Variants in CNTNAP2 observed in about 807,000 individuals in gnomAD.
CNTNAP2 encodes contactin associated protein 2.
A neutral mutation model predicts 155.2 loss-of-function variants in CNTNAP2; 98 were observed. The ratio of observed to expected loss-of-function variants is 0.63; its 90% confidence interval spans 0.54 to 0.75. CNTNAP2 has a LOEUF of 0.75. Ranked by LOEUF, CNTNAP2 falls within the 30% of genes least tolerant of loss-of-function variation. The pLI, the probability that CNTNAP2 is intolerant of heterozygous loss-of-function variation, is 0.00. For synonymous variants in CNTNAP2, 651 were observed against 631.2 expected (o/e 1.03, Z -0.47); for missense variants, 1,727 against 1,688.1 (o/e 1.02, Z -0.40).
intron 14 of CNTNAP2, among the ~76,000 whole-genome samples, chr7:147,927,438 T>C (rs999810135): frequency 2.0e-5 from 3 of 152,208 alleles, no homozygotes; most frequent in African/African-American, 2.4e-5. Context: ...TTTTAAATAT[T>C]GTAGAATAAG....
intron 17 of CNTNAP2, among the ~76,000 whole-genome samples, chr7:148,167,042 A>C (rs1805680755): frequency 6.6e-6 from 1 of 152,228 alleles, no homozygotes; most frequent in African/African-American, 2.4e-5. Context: ...CCTAAGCAAG[A>C]AAAGAGCCTA....
intron 15 of CNTNAP2, among the ~76,000 whole-genome samples, chr7:148,060,179 A>T (rs1258517388): frequency 6.6e-6 from 1 of 152,192 alleles, no homozygotes; most frequent in Non-Finnish European, 1.5e-5. Context: ...ATACAGCCAC[A>T]TTGACTTTTA....
intron 20 of CNTNAP2, among the ~76,000 whole-genome samples, chr7:148,259,714 C>A (rs762158588): frequency 2.0e-5 from 3 of 152,224 alleles, no homozygotes; most frequent in Non-Finnish European, 4.4e-5. Context: ...CCTTCAAACT[C>A]TGCCAACGCA....
chr7:147,077,649 G>C (rs1800023382), intron 4 of CNTNAP2, among the ~76,000 whole-genome samples: 2 of 152,160 alleles, frequency 1.3e-5, no homozygotes, highest in African/African-American at 4.8e-5. Flanking sequence ...TGGAGTGGTT[G>C]AGTACAAAAG....
chr7:146,676,043 C>G (rs1048593374), intron 1 of CNTNAP2, among the ~76,000 whole-genome samples: 34 of 152,016 alleles, frequency 2.2e-4, no homozygotes, highest in Non-Finnish European at 1.5e-5. Context: ...TAAATTTGCC[C>G]TTGATAGGCT....
rs537600506 is a variant in CNTNAP2 at position 147,445,019 on chromosome 7, A to T, written c.1671-40916A>T. On this transcript the variant is annotated intron_variant, in intron 10 of 23. Transcript: ENST00000361727. ...ATGTGCTACATGCTTTCAAACAACCAGATCTCTTGAGAACTCTATCAGGGG... is the reference window on the plus strand; with the variant it reads ...ATGTGCTACATGCTTTCAAACAACCTGATCTCTTGAGAACTCTATCAGGGG... Among the ~76,000 whole-genome samples the T allele has an allele frequency of 5.9e-5, 9 of 152,302 alleles. No individual in the cohort carries two copies. The East Asian group carries it at 1.7e-3, about 29-fold the overall frequency.
intron 1 of CNTNAP2, among the ~76,000 whole-genome samples, chr7:146,275,485 G>A (rs1800149531): frequency 6.8e-6 from 1 of 146,744 alleles, no homozygotes; most frequent in Non-Finnish European, 1.6e-5. Context: ...AAAGAACACA[G>A]AAAATATATT....
chr7:146,860,805 T>G (rs1795083899), intron 3 of CNTNAP2, among the ~76,000 whole-genome samples: 1 of 151,942 alleles, frequency 6.6e-6, no homozygotes, highest in African/African-American at 2.4e-5. Context: ...TGTTAAAATA[T>G]GTATACCAGG....
rs79954691 is a variant in CNTNAP2, at chr7:147,824,547, G to A, written c.2099-79018G>A. On this transcript the variant is annotated intron_variant, in intron 13 of 23. Transcript: ENST00000361727. Reference sequence around the variant, plus strand: ...CATTAAATCTCACATCAGAAGGAACGAGTTTTGGCATGTCTGTATCGCCAA... The same window carrying A: ...CATTAAATCTCACATCAGAAGGAACAAGTTTTGGCATGTCTGTATCGCCAA... Among the ~76,000 whole-genome samples the A allele has an allele frequency of 1.1e-3, 160 of 152,210 alleles. 1 individual carries two copies. In the East Asian group the frequency reaches 0.026, roughly 24 times the overall value.
intron 8 of CNTNAP2, among the ~76,000 whole-genome samples, chr7:147,212,469 A>T (rs1803170762): frequency 6.6e-6 from 1 of 152,142 alleles, no homozygotes; most frequent in Admixed American, 6.6e-5. Flanking sequence ...CTCTATTCTA[A>T]CTAGATTAAC....
chr7:148,300,887 T>C (rs886234285), intron 21 of CNTNAP2, among the ~76,000 whole-genome samples: 16 of 136,304 alleles, frequency 1.2e-4, no homozygotes, highest in Admixed American at 9.9e-5. Context: ...GGAGTTGTTG[T>C]TTAATGGGTA....
rs78670104 is a variant in CNTNAP2, at chr7:148,102,092, T to C, written c.2384-16026T>C. On this transcript the variant is annotated intron_variant, in intron 15 of 23. Coordinates refer to ENST00000361727, the MANE Select transcript of CNTNAP2 (RefSeq NM_014141.6). ...TTTGTCACCCAGGTACTAAGCCTAA[T>C]ACCCAATAGTTATTTTTTCTGCTCC... is the stretch of plus-strand genomic sequence containing the variant. Among the ~76,000 whole-genome samples the C allele has an allele frequency of 4.2e-3, 638 of 152,284 alleles. 7 individuals are homozygous for C. The highest frequency in any genetic ancestry group is 0.015 in the African/African-American group (605 of 41,556).
chr7:146,180,000 G>A (rs1292337418), intron 1 of CNTNAP2, among the ~76,000 whole-genome samples: 1 of 152,112 alleles, frequency 6.6e-6, no homozygotes, highest in Non-Finnish European at 1.5e-5. Flanking sequence ...CCACTTCCAA[G>A]CCATTCACAG....
At chr7:148,155,845 G>A (rs748009675) in intron 17 of CNTNAP2, among the ~76,000 whole-genome samples, 3 of 152,126 alleles carry the variant, frequency 2.0e-5, no homozygotes, top group East Asian at 1.9e-4. Context: ...CTATACCAGC[G>A]TCCCCTGACT....
intron 15 of CNTNAP2, among the ~76,000 whole-genome samples, chr7:148,106,493 G>GAGAGATAGATAGATATATATATATATAT (rs1554472856): frequency 8.0e-6 from 1 of 124,924 alleles, no homozygotes; most frequent in African/African-American, 3.5e-5. Flanking sequence ...CACACTTTGA[G>GAGAGATAGATAGATATATATATATATAT]ATATATATAT....
intron 1 of CNTNAP2, among the ~76,000 whole-genome samples, chr7:146,531,018 A>T (rs900833123): frequency 2.6e-5 from 4 of 152,196 alleles, no homozygotes; most frequent in African/African-American, 9.6e-5. Flanking sequence ...TGTGGTACAC[A>T]TTTTATACAC....
At chr7:147,164,437 T>A (rs531586624) in intron 8 of CNTNAP2, among the ~76,000 whole-genome samples, 8 of 152,346 alleles carry the variant, frequency 5.3e-5, no homozygotes, top group East Asian at 1.9e-4. Flanking sequence ...TTTTATTTTT[T>A]AAAAAGTACT....
chr7:147,798,017 A>T (rs1474307996), intron 13 of CNTNAP2, among the ~76,000 whole-genome samples: 1 of 152,204 alleles, frequency 6.6e-6, no homozygotes, highest in Non-Finnish European at 1.5e-5. Context: ...TACAGCCGTA[A>T]CTTGTCTTCC....
intron 12 of CNTNAP2, among the ~76,000 whole-genome samples, chr7:147,626,250 C>A (rs1381293809): frequency 6.6e-6 from 1 of 152,006 alleles, no homozygotes; most frequent in Admixed American, 6.6e-5. Flanking sequence ...GGAGCAAGGG[C>A]CATGCTTGCT....
Sources: allele counts gnomAD v4.1 joint callset (sites outside exome capture counted in the v4.1 genomes callset), GRCh38; gene constraint gnomAD v4.1.1; transcripts MANE v1.5; gene names NCBI Gene and HGNC (gene_info 2026-07-23, HGNC 2026-07-21).